The following USP13 variants were observed in gnomAD, a reference collection of about 807,000 sequenced individuals.
USP13 encodes ubiquitin specific peptidase 13.
A neutral mutation model predicts 107.8 loss-of-function variants in USP13; 68 were observed. The observed-to-expected ratio is 0.63, with a 90% CI of 0.52 to 0.77. The LOEUF (loss-of-function observed/expected upper bound fraction) is 0.77, where lower values mean the gene tolerates loss of function less well. Ranked by LOEUF, USP13 falls within the 30% of genes least tolerant of loss-of-function variation. The probability of loss-of-function intolerance (pLI) is 0.00; values close to 1 mark genes in which losing one functional copy is unlikely to be tolerated. For missense variants in USP13, 945 were observed against 1,093.3 expected, an observed-to-expected ratio of 0.86 and a Z score of 1.91; for synonymous variants, 377 against 389.5, an observed-to-expected ratio of 0.97 and a Z score of 0.38.
At chr3:179,694,910 A>C (rs1217668155) in intron 3 of USP13, among the ~76,000 whole-genome samples, 1 of 151,990 alleles carries the variant, frequency 6.6e-6, no homozygotes, top group African/African-American at 2.4e-5. Context: ...CTTCTCATAG[A>C]GCCCCCAATC....
chr3:179,754,702 C>T (rs1319061237), intron 14 of USP13, 30 bp from the exon 15 acceptor site: 1 of 1,606,428 alleles, frequency 6.2e-7, no homozygotes, highest in Non-Finnish European at 8.5e-7. Flanking sequence ...TATGGAGAGC[C>T]CAGTGGATAT....
chr3:179,734,516 C>T (rs1713918150), intron 10 of USP13, among the ~76,000 whole-genome samples: 2 of 152,198 alleles, frequency 1.3e-5, no homozygotes, highest in Admixed American at 1.3e-4. Context: ...ACTTGCTGGT[C>T]TCAACTTTTC....
chr3:179,729,952 A>G (rs978765300), intron 8 of USP13, among the ~76,000 whole-genome samples: 2 of 152,242 alleles, frequency 1.3e-5, no homozygotes, highest in African/African-American at 4.8e-5. Context: ...TATGTAAAAG[A>G]AACTCTTTGG....
chr3:179,768,353 C>A lies in USP13; in HGVS notation c.2413+2505C>A, dbSNP rs186686613. On this transcript the variant is annotated intron_variant, in intron 19 of 20. Transcript: ENST00000263966. The stretch of plus-strand genomic sequence containing the variant: ...ATGATAAAGAACAGCCACATCATCT[C>A]CTCAGGGCTTACTCTACCTCAGAGT... Among the ~76,000 whole-genome samples the A allele has an allele frequency of 8.4e-4, 128 of 152,324 alleles. 1 individual carries two copies. In the East Asian group the frequency reaches 8.5e-3, roughly 10 times the overall value.
intron 1 of USP13, among the ~76,000 whole-genome samples, chr3:179,675,536 TTTATTA>T (rs57851865): frequency 1.3e-4 from 19 of 146,380 alleles, no homozygotes; most frequent in Admixed American, 3.4e-4. Context: ...TGTAACCTAT[TTTATTA>T]TTATTATTAT....
intron 3 of USP13, among the ~76,000 whole-genome samples, chr3:179,696,765 A>T (rs1712341739): frequency 6.6e-6 from 1 of 152,130 alleles, no homozygotes; most frequent in African/African-American, 2.4e-5. Flanking sequence ...GAAAAATATG[A>T]AAGTTGGTGA....
chr3:179,750,436 G>T (rs1261842160), intron 13 of USP13, among the ~76,000 whole-genome samples: 1 of 150,702 alleles, frequency 6.6e-6, no homozygotes, highest in African/African-American at 2.4e-5. Context: ...GTGTATTACT[G>T]CTTCTCAGAA....
At chr3:179,690,174 T>C (rs1712063356) in intron 2 of USP13, 67 bp from the exon 3 acceptor site, 1 of 1,475,158 alleles carries the variant, frequency 6.8e-7, no homozygotes, top group African/African-American at 1.4e-5. Flanking sequence ...CTCTGAGATG[T>C]GCTTTTCCCT....
At chr3:179,672,910 C>A (rs1423314061) in intron 1 of USP13, among the ~76,000 whole-genome samples, 1 of 152,202 alleles carries the variant, frequency 6.6e-6, no homozygotes, top group Non-Finnish European at 1.5e-5. Context: ...GTGCACAGAA[C>A]TGCACATTGG....
At chr3:179,688,167 G>A (rs926642073) in intron 2 of USP13, among the ~76,000 whole-genome samples, 6 of 64,148 alleles carry the variant, frequency 9.4e-5, no homozygotes, top group East Asian at 9.9e-4. Flanking sequence ...CCATCCATCC[G>A]TATATCCATC....
At chr3:179,746,752 G>A (rs1714424685) in intron 13 of USP13, among the ~76,000 whole-genome samples, 2 of 151,740 alleles carry the variant, frequency 1.3e-5, no homozygotes, top group South Asian at 2.1e-4. Flanking sequence ...TTTTAGTGGA[G>A]ACAGGGTTTC....
chr3:179,729,165 G>A (rs999243651), intron 8 of USP13, among the ~76,000 whole-genome samples: 5 of 152,196 alleles, frequency 3.3e-5, no homozygotes, highest in African/African-American at 7.2e-5. Flanking sequence ...ACAAGGTCAA[G>A]TGGGGATTTA....
intron 1 of USP13, among the ~76,000 whole-genome samples, chr3:179,674,686 G>GT (rs549447643): frequency 2.0e-5 from 3 of 151,590 alleles, no homozygotes; most frequent in Non-Finnish European, 4.4e-5. Context: ...AAGGGTCACT[G>GT]TTTTTTTGCT....
In USP13 at chr3:179,653,057, C is replaced by A; in HGVS notation, c.-169C>A. The A allele has an allele frequency of 7.3e-6, 3 of 409,764 alleles. No homozygotes were observed. The highest frequency in any genetic ancestry group is 9.9e-6 in the Non-Finnish European group (3 of 304,546). 25.4% of individuals were successfully genotyped at this position (409,764 alleles called of 1,614,324 possible). On this transcript the variant is annotated 5_prime_UTR_variant, in exon 1 of 21. Coordinates refer to ENST00000263966, the MANE Select transcript of USP13 (RefSeq NM_003940.3). The surrounding 1 kb of genome is among the most constrained non-coding windows in gnomAD (Gnocchi z 4.0). ...GCGTCGCCAGTCCGCCCCAAGCCCG[C>A]GGTGCCCGCTCCCGCCCCGCAGCCC...
chr3:179,690,043 A>G (rs41265413), intron 2 of USP13, among the ~76,000 whole-genome samples, 198 bp from the exon 3 acceptor site: 16,231 of 152,200 alleles, frequency 0.11, 1,289 homozygotes, highest in African/African-American at 0.22. Flanking sequence ...TAATAAAAAT[A>G]AGCAGGTGGA....
chr3:179,657,238 C>T (rs999423528), intron 1 of USP13, among the ~76,000 whole-genome samples: 46 of 152,136 alleles, frequency 3.0e-4, no homozygotes, highest in African/African-American at 9.6e-4. Flanking sequence ...GAGGAAAGGC[C>T]GGGGCGCGGT....
intron 13 of USP13, among the ~76,000 whole-genome samples, chr3:179,750,502 A>G (rs1025221828): frequency 6.6e-6 from 1 of 151,928 alleles, no homozygotes; most frequent in Non-Finnish European, 1.5e-5. Context: ...AGCCTGGCTA[A>G]TAGTAGATTA....
At chr3:179,654,296 G>A (rs1480470642) in intron 1 of USP13, among the ~76,000 whole-genome samples, 3 of 151,648 alleles carry the variant, frequency 2.0e-5, no homozygotes, top group African/African-American at 7.3e-5. Context: ...ACTGGATTGC[G>A]ATGGTTTTCT....
At position 179,705,592 on chromosome 3, in the gene USP13, C is replaced by T. The variant is rs567145526; in HGVS notation, c.478-1342C>T. On this transcript the variant is annotated intron_variant, in intron 4 of 20. Transcript: ENST00000263966. ...TTTTCAAAGTTTATCTATGTTGTAG[C>T]ATGTATCAATATTTCATTCTTTTTT... is the stretch of plus-strand genomic sequence containing the variant. Among the ~76,000 whole-genome samples the T allele has an allele frequency of 2.0e-5, 3 of 152,150 alleles. No individual in the cohort carries two copies. In the South Asian group the frequency reaches 6.2e-4, roughly 32 times the overall value.
Sources: allele counts gnomAD v4.1 joint callset (sites outside exome capture counted in the v4.1 genomes callset), GRCh38; gene constraint gnomAD v4.1.1; non-coding constraint Gnocchi (gnomAD v3.1); transcripts MANE v1.5; gene names NCBI Gene and HGNC (gene_info 2026-07-23, HGNC 2026-07-21).